Variants in EDA observed in about 807,000 individuals in gnomAD.
The protein encoded by EDA is ectodysplasin-A.
A neutral mutation model predicts 23.6 loss-of-function variants in EDA; 2 were observed. The ratio of observed to expected loss-of-function variants is 0.08; its 90% CI spans 0.03 to 0.27. EDA has a LOEUF of 0.27. EDA is among the 10% of genes least tolerant of loss of function. EDA has a pLI of 1.00. For synonymous variants in EDA, 131 were observed against 132.0 expected (o/e 0.99, Z 0.05); for missense variants, 229 against 324.2 (o/e 0.71, Z 2.26).
At chrX:69,974,440 G>A (rs759404655) in intron 2 of EDA, among the ~76,000 whole-genome samples, 2 of 110,690 alleles carry the variant, frequency 1.8e-5, no homozygotes, top group Admixed American at 1.9e-4. Flanking sequence ...TTAAATATAA[G>A]ACCTCAGACT....
chrX:69,918,335 T>G (rs2018376124), intron 1 of EDA, among the ~76,000 whole-genome samples: 1 of 109,839 alleles, frequency 9.1e-6, no homozygotes, highest in Non-Finnish European at 1.9e-5. Flanking sequence ...TTTTGTATTT[T>G]CAGTAGAGAT....
At chrX:69,686,316 C>T (rs1185743922) in intron 1 of EDA, among the ~76,000 whole-genome samples, 1 of 112,418 alleles carries the variant, frequency 8.9e-6, no homozygotes, top group Non-Finnish European at 1.9e-5. Context: ...ATTTCTTTCT[C>T]TGAAAATGCA....
chrX:69,886,045 A>T (rs1474615263), intron 1 of EDA, among the ~76,000 whole-genome samples: 3 of 112,047 alleles, frequency 2.7e-5, no homozygotes, highest in Non-Finnish European at 5.6e-5. Flanking sequence ...CCTCACTCCC[A>T]CAGCAGGTGC....
At chrX:69,957,835 A>T (rs2019037375) in intron 2 of EDA, among the ~76,000 whole-genome samples, 1 of 112,156 alleles carries the variant, frequency 8.9e-6, no homozygotes, top group South Asian at 3.7e-4. Flanking sequence ...TGATGTGTTA[A>T]TTCCAATGAT....
chrX:70,028,148 A>G (rs2020145546), intron 4 of EDA, 112 bp downstream of exon 4: 9 of 1,115,363 alleles, frequency 8.1e-6, no homozygotes, highest in Non-Finnish European at 1.1e-5. Context: ...TTGGTGTGCA[A>G]TAAGGGATGC....
intron 1 of EDA, among the ~76,000 whole-genome samples, chrX:69,655,152 T>G (rs1239621469): frequency 9.0e-6 from 1 of 111,502 alleles, no homozygotes; most frequent in Non-Finnish European, 1.9e-5. Context: ...TCCCAGCACT[T>G]TGGGAGGCCG....
Position 69,749,922 on chromosome X carries a change from C to CTTTTTTTTTTT in EDA, c.396+133235_396+133245dup, listed in dbSNP as rs1569317439. ...TTAGAAACTTCCTCTCACTAAGGTTCTTTTTTTTTTTTTTTTTTTTTTTTT... is the reference window on the plus strand; with the variant it reads ...TTAGAAACTTCCTCTCACTAAGGTTCTTTTTTTTTTTTTTTTTTTTTTTTTTTTTTTTTTTT... On this transcript the variant is annotated intron_variant, in intron 1 of 7. Transcript: ENST00000374552. Among the ~76,000 whole-genome samples, 20 of 33,261 alleles carry CTTTTTTTTTTT rather than the reference C, an allele frequency of 6.0e-4. 5 individuals are homozygous for CTTTTTTTTTTT. The highest frequency in any genetic ancestry group is 1.4e-3 in the African/African-American group (17 of 12,213). 28.9% of individuals were successfully genotyped at this position (33,261 alleles called of 115,157 possible). A position where few individuals can be genotyped will look rare whatever the true frequency, so the allele number is the denominator to read the frequency against.
At chrX:70,026,986 C>G (rs1485176690) in intron 3 of EDA, among the ~76,000 whole-genome samples, 1 of 111,080 alleles carries the variant, frequency 9.0e-6, no homozygotes, top group Non-Finnish European at 1.9e-5. Context: ...CTGGAGGAAC[C>G]TTCCTGGAGC....
intron 1 of EDA, among the ~76,000 whole-genome samples, chrX:69,952,277 GAA>G (rs1266806851): frequency 8.9e-6 from 1 of 112,095 alleles, no homozygotes; most frequent in African/African-American, 3.2e-5. Flanking sequence ...ATTTAAAAAA[GAA>G]AGAAGTTTAA....
At chrX:70,012,763 A>G (rs2019894321) in intron 2 of EDA, among the ~76,000 whole-genome samples, 1 of 112,508 alleles carries the variant, frequency 8.9e-6, no homozygotes, top group Non-Finnish European at 1.9e-5. Context: ...AAAAGCAGCC[A>G]GACTGTTTTC....
At chrX:69,684,582 C>T (rs1378219072) in intron 1 of EDA, among the ~76,000 whole-genome samples, 1 of 111,906 alleles carries the variant, frequency 8.9e-6, no homozygotes, top group Non-Finnish European at 1.9e-5. Context: ...TCGACTAACT[C>T]CTTCCTGAGT....
At chrX:69,839,513 C>T (rs2016850991) in intron 1 of EDA, among the ~76,000 whole-genome samples, 1 of 112,513 alleles carries the variant, frequency 8.9e-6, no homozygotes, top group Middle Eastern at 4.6e-3. Context: ...CCATAATATG[C>T]ACTTACTCCT....
intron 1 of EDA, among the ~76,000 whole-genome samples, chrX:69,644,987 T>C (rs2147234377): frequency 8.9e-6 from 1 of 111,852 alleles, no homozygotes; most frequent in Admixed American, 9.5e-5. Context: ...GTGGATGAAC[T>C]TTTTGATGTG....
chrX:69,839,024 T>G (rs2016841864), intron 1 of EDA, among the ~76,000 whole-genome samples: 1 of 112,322 alleles, frequency 8.9e-6, no homozygotes, highest in African/African-American at 3.2e-5. Flanking sequence ...AAATGTGTAT[T>G]TATGAACCGA....
At chrX:69,791,346 C>T (rs1286419783) in intron 1 of EDA, among the ~76,000 whole-genome samples, 1 of 111,493 alleles carries the variant, frequency 9.0e-6, no homozygotes, top group East Asian at 2.8e-4. Context: ...CACAAAATCC[C>T]ATTTTATGGG....
At chrX:69,754,646 C>A (rs1046419755) in intron 1 of EDA, among the ~76,000 whole-genome samples, 1 of 111,853 alleles carries the variant, frequency 8.9e-6, no homozygotes, top group African/African-American at 3.3e-5. Flanking sequence ...GGATAATATC[C>A]TGAAGAGTGT....
intron 2 of EDA, among the ~76,000 whole-genome samples, chrX:69,984,097 A>C (rs2019459027): frequency 1.3e-5 from 1 of 76,963 alleles, no homozygotes; most frequent in Non-Finnish European, 2.4e-5. Context: ...CACATACCAG[A>C]ATCTCTGGGA....
At chrX:69,877,672 T>C (rs1159831271) in intron 1 of EDA, among the ~76,000 whole-genome samples, 1 of 112,133 alleles carries the variant, frequency 8.9e-6, no homozygotes, top group East Asian at 2.8e-4. Context: ...AGCAGAAATT[T>C]TGAAGTCCAA....
At chrX:69,977,359 T>C (rs5936814) in intron 2 of EDA, among the ~76,000 whole-genome samples, 51,424 of 110,667 alleles carry the variant, frequency 0.46, 8,697 homozygotes, top group East Asian at 0.69. Flanking sequence ...CTGTTTCTTT[T>C]TTGGTCACAT....
Sources: gnomAD v4.1 joint callset for allele counts (sites outside exome capture counted in the v4.1 genomes callset) on GRCh38, gnomAD v4.1.1 for gene constraint, MANE v1.5 for transcripts, NCBI Gene and HGNC (gene_info 2026-07-23, HGNC 2026-07-21) for gene names.